PALM2AKAP2: variants seen among roughly 807,000 people sequenced by gnomAD.
The protein encoded by PALM2AKAP2 is PALM2 and AKAP2 fusion, also known as PALM2-AKAP2 fusion protein.
Under a neutral mutation model 71.5 loss-of-function variants are expected in PALM2AKAP2, and 37 were observed. That is an observed-to-expected ratio of 0.52 (90% CI 0.40 to 0.68). PALM2AKAP2 has a LOEUF of 0.68. Among genes scored for constraint, PALM2AKAP2 ranks in the 30% least tolerant of loss-of-function variants. PALM2AKAP2 has a pLI of 0.00. For synonymous variants in PALM2AKAP2, 468 were observed against 478.8 expected (o/e 0.98, Z 0.29); for missense variants, 1,224 against 1,191.8 (o/e 1.03, Z -0.40).
chr9:109,866,934 TATA>T (rs1295715841), intron 1 of PALM2AKAP2: 28 of 431,284 alleles, frequency 6.5e-5, no homozygotes, highest in Non-Finnish European at 3.3e-5. Flanking sequence ...TGGCAGCAAA[TATA>T]ACCCATTTCA....
intron 1 of PALM2AKAP2, among the ~76,000 whole-genome samples, chr9:109,704,704 G>T (rs1828114993): frequency 2.0e-5 from 3 of 152,206 alleles, no homozygotes; most frequent in African/African-American, 7.2e-5. Context: ...ACCCAGCTCT[G>T]CCACCATCTA....
chr9:110,111,568 C>G (rs895024240), intron 1 of PALM2AKAP2, among the ~76,000 whole-genome samples: 2 of 152,138 alleles, frequency 1.3e-5, no homozygotes, highest in Non-Finnish European at 2.9e-5. Flanking sequence ...AAGTCTTTGC[C>G]TTGCTTTCCC....
At chr9:110,076,558 C>A (rs1834330514) in intron 1 of PALM2AKAP2, among the ~76,000 whole-genome samples, 1 of 142,408 alleles carries the variant, frequency 7.0e-6, no homozygotes, top group South Asian at 2.2e-4. Context: ...ATGAAACTGG[C>A]AAGAATAAAA....
At chr9:109,906,814 G>A (rs954056641) in intron 3 of PALM2AKAP2, among the ~76,000 whole-genome samples, 1 of 152,092 alleles carries the variant, frequency 6.6e-6, no homozygotes, top group Non-Finnish European at 1.5e-5. Flanking sequence ...CACATAAACA[G>A]GCAGACAGAC....
intron 1 of PALM2AKAP2, among the ~76,000 whole-genome samples, chr9:109,679,495 G>A (rs575179746): frequency 6.6e-6 from 1 of 152,264 alleles, no homozygotes; most frequent in South Asian, 2.1e-4. Context: ...ACTGAGTTTT[G>A]CCATCGAAAA....
At chr9:110,041,753 T>G (rs1219645202) in intron 7 of PALM2AKAP2, among the ~76,000 whole-genome samples, 2 of 152,188 alleles carry the variant, frequency 1.3e-5, no homozygotes, top group Non-Finnish European at 2.9e-5. Context: ...CCTGTTTCTG[T>G]GTTTGGTTCT....
At chr9:110,006,215 C>T (rs1049064748) in intron 6 of PALM2AKAP2, among the ~76,000 whole-genome samples, 2 of 151,518 alleles carry the variant, frequency 1.3e-5, no homozygotes, top group African/African-American at 4.9e-5. Flanking sequence ...TATATCTCTT[C>T]TCTTTCCTCT....
chr9:109,959,944 G>A lies in PALM2AKAP2; in HGVS notation c.496+27916G>A, dbSNP rs187429924. Among the ~76,000 whole-genome samples the A allele has an allele frequency of 9.4e-4, 143 of 152,266 alleles. 2 individuals are homozygous for A. Among genetic ancestry groups the A allele is most frequent in the African/African-American group, 2.9e-3 (120 of 41,552 alleles). On this transcript the variant is annotated intron_variant, in intron 6 of 9. Coordinates refer to the PALM2AKAP2 transcript ENST00000302798. ...ACTAAGGCACTCTCCTACTCAGTAA[G>A]AACAGAGAATCACTGCTTTGTTCTC... is the stretch of plus-strand genomic sequence containing the variant.
At chr9:110,007,615 A>T (rs982990044) in intron 6 of PALM2AKAP2, among the ~76,000 whole-genome samples, 2 of 152,162 alleles carry the variant, frequency 1.3e-5, no homozygotes, top group Non-Finnish European at 2.9e-5. Flanking sequence ...GGGAGTTTTG[A>T]CTATGCAAAC....
At chr9:110,104,069 C>T (rs891778402) in intron 1 of PALM2AKAP2, among the ~76,000 whole-genome samples, 1 of 151,706 alleles carries the variant, frequency 6.6e-6, no homozygotes, top group African/African-American at 2.4e-5. Flanking sequence ...GAGTGCCCCC[C>T]AGGGAGTTCC....
At chr9:109,795,369 A>G (rs567893416) in intron 1 of PALM2AKAP2, among the ~76,000 whole-genome samples, 1 of 152,366 alleles carries the variant, frequency 6.6e-6, no homozygotes, top group African/African-American at 2.4e-5. Context: ...ATTAGGGATT[A>G]ATTTCTTTAA....
At chr9:110,089,915 A>G (rs997572436) in intron 1 of PALM2AKAP2, among the ~76,000 whole-genome samples, 4 of 152,224 alleles carry the variant, frequency 2.6e-5, no homozygotes, top group African/African-American at 7.2e-5. Flanking sequence ...TTAAAAGATG[A>G]AAACTAAAAC....
rs967450271 is a variant in PALM2AKAP2 at position 110,097,375 on chromosome 9, A to G, written c.157-38752A>G. The stretch of plus-strand genomic sequence containing the variant: ...CTCTTTCTACACAGACATGGCAACC[A>G]TCCGATTTCTCAATCTTTTCCCCAC... On this transcript the variant is annotated intron_variant, in intron 1 of 3. Transcript: ENST00000374525. 5.4e-5 allele frequency among the ~76,000 whole-genome samples: 8 copies of G among 147,892 alleles called. No homozygotes were observed. The East Asian group carries it at 1.6e-3, about 29-fold the overall frequency.
rs1163272811 is a variant in PALM2AKAP2, at chr9:109,774,293, C to G, written c.6-6195C>G. Among the ~76,000 whole-genome samples the G allele has an allele frequency of 7.9e-5, 12 of 152,280 alleles. No homozygotes were observed. In the East Asian group the frequency reaches 2.1e-3, roughly 27 times the overall value. ...TAACCAGGCTGGAGTAGAACCTGGCCTTCCCAAAGACTTTCTAGTTTGTAG... is the reference window on the plus strand; with the variant it reads ...TAACCAGGCTGGAGTAGAACCTGGCGTTCCCAAAGACTTTCTAGTTTGTAG... On this transcript the variant is annotated intron_variant, in intron 1 of 6. Coordinates refer to the PALM2AKAP2 transcript ENST00000374531.
intron 3 of PALM2AKAP2, among the ~76,000 whole-genome samples, chr9:109,888,711 C>CAAAAAAA (rs34495775): frequency 7.1e-5 from 7 of 98,812 alleles, no homozygotes; most frequent in East Asian, 3.0e-4. Flanking sequence ...ATTTTGCCTC[C>CAAAAAAA]AAAAAAAAAA....
intron 2 of PALM2AKAP2, among the ~76,000 whole-genome samples, chr9:110,138,959 T>C (rs1472797303): frequency 6.6e-6 from 1 of 152,116 alleles, no homozygotes; most frequent in Non-Finnish European, 1.5e-5. Context: ...GATTTGGGAG[T>C]TGTCCTCTAC....
intron 1 of PALM2AKAP2, among the ~76,000 whole-genome samples, chr9:109,837,280 G>T (rs1184045554): frequency 6.6e-6 from 1 of 152,078 alleles, no homozygotes; most frequent in Non-Finnish European, 1.5e-5. Flanking sequence ...GCCAAACTAA[G>T]CTTCATTAGT....
chr9:109,677,316 G>C (rs950266229), intron 1 of PALM2AKAP2, among the ~76,000 whole-genome samples: 2 of 152,110 alleles, frequency 1.3e-5, no homozygotes, highest in Non-Finnish European at 2.9e-5. Context: ...AGTGAAATTA[G>C]GTTGGTGCTA....
chr9:110,084,838 C>T (rs1372471810), intron 1 of PALM2AKAP2, among the ~76,000 whole-genome samples: 12 of 151,936 alleles, frequency 7.9e-5, no homozygotes, highest in East Asian at 1.9e-4. Context: ...CGGGTTCAAG[C>T]GATTCTCCTG....
Sources: gnomAD v4.1 joint callset for allele counts (sites outside exome capture counted in the v4.1 genomes callset) on GRCh38, gnomAD v4.1.1 for gene constraint, MANE v1.5 for transcripts, NCBI Gene and HGNC (gene_info 2026-07-23, HGNC 2026-07-21) for gene names.